BOD1: variants seen among roughly 807,000 people sequenced by gnomAD.
BOD1 encodes the protein biorientation of chromosomes in cell division 1, also known as biorientation of chromosomes in cell division protein 1.
Under a neutral mutation model 15.7 loss-of-function variants are expected in BOD1, and 11 were observed. That is an observed-to-expected ratio of 0.70 (90% CI 0.44 to 1.16). The LOEUF is 1.16. Among genes scored for constraint, BOD1 ranks in the 50% most tolerant of loss-of-function variants. The pLI, the probability that BOD1 is intolerant of heterozygous loss-of-function variation, is 0.00. For synonymous variants in BOD1, 105 were observed against 103.5 expected, an observed-to-expected ratio of 1.01 and a Z score of -0.09; for missense variants, 182 against 244.5, an observed-to-expected ratio of 0.74 and a Z score of 1.70.
intron 3 of BOD1, 23 bp from the exon 4 acceptor site, chr5:173,608,315 T>C (rs1272670130): frequency 1.6e-6 from 2 of 1,286,814 alleles, no homozygotes; most frequent in Non-Finnish European, 1.1e-6. Flanking sequence ...GATAATCATA[T>C]CAAAATGTTA....
Position 173,616,159 on chromosome 5 carries a change from C to G in BOD1, c.237+41G>C, listed in dbSNP as rs760834738. ...TCAAAGCTGCCACCCGGCGGCCTCA[C>G]GTGCAGCCCCGCTCCCCAACGCCCA... is the stretch of plus-strand genomic sequence containing the variant. On this transcript the variant is annotated intron_variant, in intron 1 of 3. Transcript: ENST00000311086. The G allele has an allele frequency of 5.8e-6, 9 of 1,554,426 alleles. 1 individual carries two copies. Among genetic ancestry groups the G allele is most frequent in the Middle Eastern group, 3.3e-4 (2 of 5,980 alleles).
intron 1 of BOD1, among the ~76,000 whole-genome samples, chr5:173,613,739 A>G (rs1410404948): frequency 2.0e-5 from 3 of 152,258 alleles, no homozygotes; most frequent in Admixed American, 6.5e-5. Context: ...GCAGGCCTCA[A>G]TTCCATGACT....
intron 1 of BOD1, among the ~76,000 whole-genome samples, chr5:173,613,862 C>G (rs1346965054): frequency 6.6e-6 from 1 of 152,236 alleles, no homozygotes; most frequent in African/African-American, 2.4e-5. Context: ...CATGTGCTAT[C>G]TGCCTAGTAA....
Position 173,608,010 on chromosome 5 carries a change from A to G in BOD1, c.*284T>C, listed in dbSNP as rs1755246690. 4.3e-6 allele frequency: 2 copies of G among 469,904 alleles called. No individual in the cohort carries two copies. The highest frequency in any genetic ancestry group is 3.6e-5 in the Admixed American group (1 of 27,500). 29.1% of individuals were successfully genotyped at this position (469,904 alleles called of 1,614,324 possible). ...ATGTTCAAGTATAAAAGTCTGTTTC[A>G]GGACAACCCTGGGTTGCTGTAGTGT... On this transcript the variant is annotated 3_prime_UTR_variant, in exon 4 of 4. Coordinates refer to ENST00000311086, the MANE Select transcript of BOD1 (RefSeq NM_138369.3).
At position 173,616,496 on chromosome 5, in the gene BOD1, C is replaced by A; in HGVS notation, c.-60G>T. The A allele has an allele frequency of 6.5e-7, 1 of 1,539,188 alleles. No homozygotes were observed. The highest frequency in any genetic ancestry group is 8.7e-7 in the Non-Finnish European group (1 of 1,153,910). On this transcript the variant is annotated 5_prime_UTR_variant, in exon 1 of 4. It adds an upstream start codon to the 5' untranslated region. Coordinates refer to ENST00000311086, the MANE Select transcript of BOD1 (RefSeq NM_138369.3). The stretch of plus-strand genomic sequence containing the variant: ...TAGCTTCTTCTCCAGGACAGAAGGC[C>A]TAGAACGTGTAGAGGTGGTGAAGGG...
In BOD1 at chr5:173,616,342, G is replaced by C; in HGVS notation, c.95C>G (p.Ala32Gly). Reference protein sequence around the residue: ...SAGAATGATGASGGGGPINPA... With the variant: ...SAGAATGATGGSGGGGPINPA... ...GTTGATGGGGCCACCGCCCCCGCTG[G>C]CCCCAGTAGCGCCAGTCGCTGCCCC... Residue 32 changes from alanine (A) to glycine (G), a missense_variant, in exon 1 of 4, where the codon GCC becomes GGC. By Grantham distance (60) the Ala-to-Gly change is moderately conservative. Transcript: ENST00000311086. 1 of 1,528,558 alleles carries C rather than the reference G, an allele frequency of 6.5e-7. No individual in the cohort carries two copies. 94.7% of individuals were successfully genotyped at this position (1,528,558 alleles called of 1,614,324 possible). A position where few individuals can be genotyped will look rare whatever the true frequency, so the allele number is the denominator to read the frequency against.
chr5:173,614,024 G>A (rs1031335869), intron 1 of BOD1, among the ~76,000 whole-genome samples: 2 of 152,208 alleles, frequency 1.3e-5, no homozygotes, highest in Non-Finnish European at 2.9e-5. Flanking sequence ...GGAAGAAGCT[G>A]TAAAATGTAA....
intron 3 of BOD1, among the ~76,000 whole-genome samples, chr5:173,608,533 C>T (rs1755265598): frequency 6.6e-6 from 1 of 152,158 alleles, no homozygotes; most frequent in Admixed American, 6.5e-5. Context: ...CTGATTATAA[C>T]AGGCATCTCA....
chr5:173,613,165 G>T lies in BOD1; in HGVS notation c.328C>A (p.Gln110Lys). 6.2e-7 allele frequency: 1 copy of T among 1,614,112 alleles called. No homozygotes were observed. The highest frequency in any genetic ancestry group is 1.3e-5 in the African/African-American group (1 of 75,038). ...CTCTGCCTCAGACCATTTCGCAACTGGTTTTTGTTCATCGTAGGATTCCAT... is the reference window on the plus strand; with the variant it reads ...CTCTGCCTCAGACCATTTCGCAACTTGTTTTTGTTCATCGTAGGATTCCAT... Reference protein sequence around the residue: ...QEWNPTMNKNQLRNGLRQSVV... With the variant: ...QEWNPTMNKNKLRNGLRQSVV... Residue 110 changes from glutamine (Q) to lysine (K), a missense_variant, in exon 2 of 4, where the codon CAG (glutamine) becomes AAG (lysine). Physicochemically the swap from Gln to Lys is moderately conservative, Grantham distance 53 (BLOSUM62 1). Coordinates refer to ENST00000311086, the MANE Select transcript of BOD1 (RefSeq NM_138369.3).
intron 1 of BOD1, chr5:173,614,699 C>T (rs748695073): frequency 2.6e-5 from 4 of 152,212 alleles, no homozygotes; most frequent in Non-Finnish European, 4.4e-5. Flanking sequence ...AGAACTAAAA[C>T]AACCTGGAAT....
intron 1 of BOD1, among the ~76,000 whole-genome samples, chr5:173,613,577 C>T (rs1194829070): frequency 6.6e-6 from 1 of 152,238 alleles, no homozygotes; most frequent in African/African-American, 2.4e-5. Flanking sequence ...CCAGCTGAAG[C>T]CTTCCTAGCT....
intron 1 of BOD1, among the ~76,000 whole-genome samples, chr5:173,614,309 T>C (rs534123940): frequency 6.6e-6 from 1 of 152,278 alleles, no homozygotes; most frequent in South Asian, 2.1e-4. Context: ...TGGTTTGAGA[T>C]GATACGAACT....
In BOD1 at chr5:173,616,357, G is replaced by A. The variant is rs1755500417; in HGVS notation, c.80C>T (p.Thr27Ile). 1 of 1,527,284 alleles carries A rather than the reference G, an allele frequency of 6.5e-7. No homozygotes were observed. The highest frequency in any genetic ancestry group is 1.2e-5 in the South Asian group (1 of 83,438). 94.6% of individuals were successfully genotyped at this position (1,527,284 alleles called of 1,614,324 possible). ...GTSQASAGAA[T>I]GATGASGGGG... is the part of the protein sequence containing the mutation. The stretch of plus-strand genomic sequence containing the variant: ...GCCCCCGCTGGCCCCAGTAGCGCCA[G>A]TCGCTGCCCCGGCAGAGGCCTGGCT... Residue 27 changes from threonine (T) to isoleucine (I), a missense_variant, in exon 1 of 4, where the codon ACT becomes ATT. Transcript: ENST00000311086.
At chr5:173,608,818 C>T (rs1007089027) in intron 3 of BOD1, among the ~76,000 whole-genome samples, 7 of 152,184 alleles carry the variant, frequency 4.6e-5, no homozygotes, top group African/African-American at 1.4e-4. Flanking sequence ...AATCGAGTCG[C>T]ACTCAAAGCA....
rs1330945422 is a variant in BOD1 at position 173,607,410 on chromosome 5, G to A, written c.*884C>T. The A allele has an allele frequency of 1.3e-5, 2 of 152,222 alleles. No individual in the cohort carries two copies. Among genetic ancestry groups the A allele is most frequent in the Non-Finnish European group, 2.9e-5 (2 of 68,062 alleles). The allele number at this position is 152,222 out of a possible 1,614,324, so 9.4% of individuals were successfully genotyped here. On this transcript the variant is annotated 3_prime_UTR_variant, in exon 4 of 4. Coordinates refer to ENST00000311086, the MANE Select transcript of BOD1 (RefSeq NM_138369.3). ...ACACCTACTAGTTTCATAGTTCCAAGTTATATGTACCAATCTTCACTGCCA... is the reference window on the plus strand; with the variant it reads ...ACACCTACTAGTTTCATAGTTCCAAATTATATGTACCAATCTTCACTGCCA...
Position 173,616,450 on chromosome 5 carries a change from G to A in BOD1, c.-14C>T. 3 of 1,558,544 alleles carry A rather than the reference G, an allele frequency of 1.9e-6. No individual in the cohort carries two copies. The highest frequency in any genetic ancestry group is 1.8e-5 in the Admixed American group (1 of 55,562). On this transcript the variant is annotated 5_prime_UTR_variant, in exon 1 of 4. Coordinates refer to ENST00000311086, the MANE Select transcript of BOD1 (RefSeq NM_138369.3). The stretch of plus-strand genomic sequence containing the variant: ...GCCGTCCGCCATGGCTGCGCCCCGG[G>A]CCCACAAGGGAGAACGACTATAGCT...
chr5:173,608,071 T>G lies in BOD1; in HGVS notation c.*223A>C, dbSNP rs1303874827. On this transcript the variant is annotated 3_prime_UTR_variant, in exon 4 of 4. Transcript: ENST00000311086. Reference sequence around the variant, plus strand: ...GTAGTGTCTACTTGGTGTCATGCCCTTGGACAGGCTGGCCAAATGGCAGCA... The same window carrying G: ...GTAGTGTCTACTTGGTGTCATGCCCGTGGACAGGCTGGCCAAATGGCAGCA... The G allele has an allele frequency of 4.6e-5, 22 of 474,400 alleles. No individual in the cohort carries two copies. The highest frequency in any genetic ancestry group is 8.0e-5 in the Non-Finnish European group (21 of 263,698). The allele number at this position is 474,400 out of a possible 1,614,324, so 29.4% of individuals were successfully genotyped here.
intron 2 of BOD1, among the ~76,000 whole-genome samples, chr5:173,610,839 G>A (rs1275813750): frequency 2.0e-5 from 3 of 152,190 alleles, no homozygotes; most frequent in African/African-American, 4.8e-5. Context: ...GGTCATGGGG[G>A]CAGAGCCTCC....
rs1202480078 is a variant in BOD1 at position 173,607,205 on chromosome 5, C to T, written c.*1089G>A. ...ATCACCTGGCAGCTTGTCAGAAACA[C>T]TCACTCTTAGGTCCCACCCCAGAAC... On this transcript the variant is annotated 3_prime_UTR_variant, in exon 4 of 4. Transcript: ENST00000311086. 6.6e-6 allele frequency among the ~76,000 whole-genome samples: 1 copy of T among 152,218 alleles called. No individual in the cohort carries two copies. The highest frequency in any genetic ancestry group is 1.5e-5 in the Non-Finnish European group (1 of 68,044).
Sources: gnomAD v4.1 joint callset for allele counts (sites outside exome capture counted in the v4.1 genomes callset) on GRCh38, gnomAD v4.1.1 for gene constraint, MANE v1.5 for transcripts, NCBI Gene and HGNC (gene_info 2026-07-23, HGNC 2026-07-21) for gene names.